ZFHX3: variants seen among roughly 807,000 people sequenced by gnomAD.
ZFHX3 encodes zinc finger homeobox protein 3.
In ZFHX3, 42 loss-of-function variants were observed where a neutral mutation model predicts 279.1. That is an observed-to-expected ratio of 0.15 (90% CI 0.12 to 0.19). The LOEUF (loss-of-function observed/expected upper bound fraction) is 0.19, where lower values mean the gene tolerates loss of function less well. ZFHX3 is among the 10% of genes least tolerant of loss of function. ZFHX3 has a pLI of 1.00. For missense variants in ZFHX3, 4,981 were observed against 4,754.0 expected (o/e 1.05, Z -1.40); for synonymous variants, 2,293 against 1,957.8 (o/e 1.17, Z -4.52).
At chr16:73,794,091 C>T (rs897821790) in intron 1 of ZFHX3, 4 of 152,340 alleles carry the variant, frequency 2.6e-5, no homozygotes, top group South Asian at 2.1e-4. Context: ...GGCTGGTCCT[C>T]GCCTGCTCTC....
At chr16:73,457,702 G>T (rs919261356) in intron 2 of ZFHX3, among the ~76,000 whole-genome samples, 7 of 152,200 alleles carry the variant, frequency 4.6e-5, no homozygotes, top group Non-Finnish European at 7.3e-5. Context: ...TTGAGCCTGG[G>T]AGGCGGAGGT....
intron 1 of ZFHX3, among the ~76,000 whole-genome samples, chr16:73,816,695 A>C (rs1282283351): frequency 6.6e-6 from 1 of 152,198 alleles, no homozygotes; most frequent in Non-Finnish European, 1.5e-5. Flanking sequence ...TAGGCAAAGT[A>C]GCTTTCCAAA....
Position 72,786,394 on chromosome 16 carries a change from T to G in ZFHX3, c.*770A>C, listed in dbSNP as rs907713076. ...TTTTTAAGCTACAAGTCCTCAACAC[T>G]CTTTGTGTGTGTGGGTTATTATTTT... On this transcript the variant is annotated 3_prime_UTR_variant, in exon 10 of 10. Coordinates refer to ENST00000268489, the MANE Select transcript of ZFHX3 (RefSeq NM_006885.4). 1.3e-5 allele frequency: 2 copies of G among 151,608 alleles called. No homozygotes were observed. The highest frequency in any genetic ancestry group is 2.4e-5 in the African/African-American group (1 of 41,214). The allele number at this position is 151,608 out of a possible 1,614,324, so 9.4% of individuals were successfully genotyped here.
At chr16:72,938,705 C>A (rs528194280) in intron 3 of ZFHX3, among the ~76,000 whole-genome samples, 1 of 152,096 alleles carries the variant, frequency 6.6e-6, no homozygotes, top group African/African-American at 2.4e-5. Flanking sequence ...TGAATTAGGG[C>A]GGCAAGACCC....
chr16:73,595,535 G>C (rs2052039668), intron 2 of ZFHX3, among the ~76,000 whole-genome samples: 1 of 151,994 alleles, frequency 6.6e-6, no homozygotes, highest in Admixed American at 6.6e-5. Flanking sequence ...AATTGCTCAG[G>C]CTCCTTGGTT....
chr16:73,874,300 A>C (rs1393846086), intron 1 of ZFHX3, among the ~76,000 whole-genome samples: 2 of 152,192 alleles, frequency 1.3e-5, no homozygotes, highest in Non-Finnish European at 2.9e-5. Flanking sequence ...GACAACTGTA[A>C]GAAAAAAAAT....
At chr16:73,311,724 T>C (rs2015332794) in intron 4 of ZFHX3, among the ~76,000 whole-genome samples, 1 of 152,210 alleles carries the variant, frequency 6.6e-6, no homozygotes, top group South Asian at 2.1e-4. Flanking sequence ...GAATTAATTT[T>C]CTGATCAAAT....
intron 2 of ZFHX3, among the ~76,000 whole-genome samples, chr16:73,559,467 A>G (rs115847482): frequency 1.7e-3 from 254 of 152,274 alleles, no homozygotes; most frequent in African/African-American, 5.7e-3. Flanking sequence ...CCTCTTTCAG[A>G]TCTTCTCTCA....
At chr16:73,379,674 A>G (rs1167368042) in intron 3 of ZFHX3, among the ~76,000 whole-genome samples, 1 of 152,202 alleles carries the variant, frequency 6.6e-6, no homozygotes, top group Non-Finnish European at 1.5e-5. Context: ...CTGTCTTGGC[A>G]TGAAGCAAGA....
At chr16:73,884,233 CTA>C (rs2030274322) in intron 1 of ZFHX3, among the ~76,000 whole-genome samples, 2 of 152,136 alleles carry the variant, frequency 1.3e-5, no homozygotes, top group African/African-American at 4.8e-5. Context: ...GATTTTGTAC[CTA>C]CTGATCTGAA....
intron 4 of ZFHX3, among the ~76,000 whole-genome samples, chr16:73,316,963 T>G (rs765932200): frequency 6.6e-6 from 1 of 152,170 alleles, no homozygotes; most frequent in East Asian, 1.9e-4. Flanking sequence ...TGTAAAGACA[T>G]TTTACTCAAT....
rs1042805168 is a variant in ZFHX3 at position 72,794,343 on chromosome 16, C to T, written c.8339G>A (p.Gly2780Asp). The T allele has an allele frequency of 3.1e-6, 5 of 1,603,302 alleles. No individual in the cohort carries two copies. The highest frequency in any genetic ancestry group is 4.3e-6 in the Non-Finnish European group (5 of 1,174,436). Residue 2780 changes from glycine (G) to aspartate (D), a missense_variant, in exon 9 of 10, where the codon GGT (glycine) becomes GAT (aspartate). Physicochemically the swap from Gly to Asp is moderately conservative, Grantham distance 94 (BLOSUM62 -1). Around this residue, in one of 7 missense-constraint regions of ZFHX3, gnomAD observed 744 missense variants for 701.3 expected, o/e 1.06. Transcript: ENST00000268489. The surrounding 1 kb of genome is among the most constrained non-coding windows in gnomAD (Gnocchi z 4.2). ...CACAGGTGAGAGGGGGACACCCTGACCATCACTACTGCTTGGGGGTAGGTG... is the reference window on the plus strand; with the variant it reads ...CACAGGTGAGAGGGGGACACCCTGATCATCACTACTGCTTGGGGGTAGGTG... ...FSHLPPSSSD[G>D]QGVPLSPVSK...
chr16:73,139,118 A>G (rs1301930682), intron 6 of ZFHX3, among the ~76,000 whole-genome samples: 1 of 152,234 alleles, frequency 6.6e-6, no homozygotes, highest in African/African-American at 2.4e-5. Context: ...CAGATTCACT[A>G]AGCACAAAGA....
chr16:73,863,185 G>A (rs1036605136), intron 1 of ZFHX3, among the ~76,000 whole-genome samples: 6 of 152,270 alleles, frequency 3.9e-5, no homozygotes, highest in Middle Eastern at 3.4e-3. Context: ...CAGCCTGGGC[G>A]ACAGAGCGAG....
In ZFHX3 at chr16:72,910,916, C is replaced by T. The variant is rs185936278; in HGVS notation, c.3217-20954G>A. 1.9e-3 allele frequency among the ~76,000 whole-genome samples: 287 copies of T among 152,268 alleles called. 1 individual carries two copies. Among genetic ancestry groups the T allele is most frequent in the African/African-American group, 6.7e-3 (279 of 41,556 alleles). On this transcript the variant is annotated intron_variant, in intron 3 of 9. Coordinates refer to ENST00000268489, the MANE Select transcript of ZFHX3 (RefSeq NM_006885.4). ...CACACCAGTTACCCACTTCTGATAC[C>T]TGTATGGCCCCTGCAGGCATCTGGG...
chr16:73,838,758 G>A (rs931489862), intron 1 of ZFHX3, among the ~76,000 whole-genome samples: 3 of 126,166 alleles, frequency 2.4e-5, no homozygotes, highest in Non-Finnish European at 4.9e-5. Context: ...ATGCGTGTGT[G>A]TGTCTGTGTG....
At chr16:73,166,308 G>C (rs1292776706) in intron 5 of ZFHX3, among the ~76,000 whole-genome samples, 1 of 152,134 alleles carries the variant, frequency 6.6e-6, no homozygotes, top group African/African-American at 2.4e-5. Context: ...CCTGGTCTGT[G>C]GCCCTCTAAA....
At chr16:73,661,919 C>G (rs2052788843) in intron 2 of ZFHX3, among the ~76,000 whole-genome samples, 1 of 149,572 alleles carries the variant, frequency 6.7e-6, no homozygotes, top group East Asian at 2.0e-4. Context: ...TTTAGAAACT[C>G]AAATCTGATT....
At chr16:73,717,808 T>C (rs1351225432) in intron 1 of ZFHX3, among the ~76,000 whole-genome samples, 1 of 152,178 alleles carries the variant, frequency 6.6e-6, no homozygotes, top group Non-Finnish European at 1.5e-5. Flanking sequence ...CTTAAGATTT[T>C]TACGAGACAT....
Sources: allele counts gnomAD v4.1 joint callset (sites outside exome capture counted in the v4.1 genomes callset), GRCh38; gene constraint gnomAD v4.1.1; regional missense constraint gnomAD v4.1.1; non-coding constraint Gnocchi (gnomAD v3.1); transcripts MANE v1.5; gene names NCBI Gene and HGNC (gene_info 2026-07-23, HGNC 2026-07-21).